The following COL23A1 variants were observed in gnomAD, a reference collection of about 807,000 sequenced individuals.
COL23A1 encodes the protein collagen alpha-1(XXIII) chain.
COL23A1 carries 97 observed loss-of-function variants against 99.3 expected under a neutral mutation model. The observed-to-expected ratio is 0.98, with a 90% CI of 0.83 to 1.16. COL23A1 has a LOEUF of 1.16. Ranked by LOEUF, COL23A1 falls within the 50% of genes most tolerant of loss-of-function variation. COL23A1 has a pLI of 0.00. For missense variants in COL23A1, 762 were observed against 757.4 expected (o/e 1.01, Z -0.07); for synonymous variants, 320 against 308.2 (o/e 1.04, Z -0.40).
rs147631334 is a variant in COL23A1 at position 178,415,552 on chromosome 5, C to T, written c.362-108633G>A. The stretch of plus-strand genomic sequence containing the variant: ...CTGACCTCTCCACAGCCAGAGGACA[C>T]GAGGGACGCCCCTTGCAGATACTTC... On this transcript the variant is annotated intron_variant, in intron 2 of 28. Transcript: ENST00000390654. The surrounding 1 kb of genome is among the most constrained non-coding windows in gnomAD (Gnocchi z 4.6). Among the ~76,000 whole-genome samples, 272 of 152,260 alleles carry T rather than the reference C, an allele frequency of 1.8e-3. 3 individuals are homozygous for T. The highest frequency in any genetic ancestry group is 4.8e-3 in the Admixed American group (74 of 15,300).
In COL23A1 at chr5:178,280,563, T is replaced by G. The variant is rs546812383; in HGVS notation, c.441+7761A>C. 7.0e-4 allele frequency among the ~76,000 whole-genome samples: 106 copies of G among 152,248 alleles called. No homozygotes were observed. Among genetic ancestry groups the G allele is most frequent in the African/African-American group, 2.5e-3 (102 of 41,540 alleles). Reference sequence around the variant, plus strand: ...CAAAATCACTGCTTTCTCTTTAGTCTATTTGCTTCGAAGACCTGGGCTTGG... The same window carrying G: ...CAAAATCACTGCTTTCTCTTTAGTCGATTTGCTTCGAAGACCTGGGCTTGG... On this transcript the variant is annotated intron_variant, in intron 5 of 28. Transcript: ENST00000390654. This position sits in a 1 kb window ranked among gnomAD's most constrained non-coding sequence, Gnocchi z 4.9.
intron 2 of COL23A1, among the ~76,000 whole-genome samples, chr5:178,329,747 G>A (rs917755660): frequency 6.6e-6 from 1 of 152,134 alleles, no homozygotes; most frequent in Non-Finnish European, 1.5e-5. Context: ...GACCAGCCTG[G>A]CTAACATAGA....
At chr5:178,455,965 TAAC>T (rs1767768027) in intron 2 of COL23A1, among the ~76,000 whole-genome samples, 1 of 151,880 alleles carries the variant, frequency 6.6e-6, no homozygotes, top group African/African-American at 2.4e-5. Context: ...AAAGGAAAAA[TAAC>T]AAGAAAGGGA....
chr5:178,357,980 ATGTGTGTATGCG>A (rs1380669986), intron 2 of COL23A1, among the ~76,000 whole-genome samples: 2 of 138,824 alleles, frequency 1.4e-5, no homozygotes, highest in Non-Finnish European at 3.1e-5. Context: ...ATGTGTATAT[ATGTGTGTATGCG>A]TGTGTGTATA....
intron 4 of COL23A1, among the ~76,000 whole-genome samples, chr5:178,289,698 G>A (rs551102175): frequency 1.3e-5 from 2 of 152,278 alleles, no homozygotes; most frequent in South Asian, 4.2e-4. Flanking sequence ...CAACTGTCAC[G>A]GAGCATTTTA....
intron 2 of COL23A1, chr5:178,345,437 T>C (rs1453425223): frequency 2.3e-5 from 5 of 221,584 alleles, no homozygotes; most frequent in Admixed American, 5.5e-5. Flanking sequence ...ACTTGTTCTA[T>C]AGAGAAATGT....
chr5:178,302,942 G>A (rs1758151392), intron 3 of COL23A1, among the ~76,000 whole-genome samples: 1 of 152,192 alleles, frequency 6.6e-6, no homozygotes, highest in Non-Finnish European at 1.5e-5. Flanking sequence ...AACCTGTTCT[G>A]CTTCCTCCAA....
At chr5:178,360,059 CA>C (rs1762094914) in intron 2 of COL23A1, among the ~76,000 whole-genome samples, 1 of 152,218 alleles carries the variant, frequency 6.6e-6, no homozygotes, top group Admixed American at 6.5e-5. Flanking sequence ...ACTCCCACCC[CA>C]CAATTCTCTT....
intron 2 of COL23A1, among the ~76,000 whole-genome samples, chr5:178,316,952 G>A (rs562303694): frequency 2.6e-5 from 4 of 151,996 alleles, no homozygotes; most frequent in South Asian, 2.1e-4. Flanking sequence ...CACTCTGGTC[G>A]GCTTATTCTA....
intron 3 of COL23A1, among the ~76,000 whole-genome samples, chr5:178,300,830 C>T (rs2127596683): frequency 6.6e-6 from 1 of 152,238 alleles, no homozygotes; most frequent in Middle Eastern, 3.4e-3. Flanking sequence ...TCCCAAAGTG[C>T]TGGGATTACA....
At chr5:178,293,139 G>C (rs574914596) in intron 3 of COL23A1, among the ~76,000 whole-genome samples, 2 of 152,098 alleles carry the variant, frequency 1.3e-5, no homozygotes, top group South Asian at 4.1e-4. Context: ...TGTGGGAGTG[G>C]GGCCTGGAGA....
At chr5:178,264,792 G>T (rs1755781269) in intron 8 of COL23A1, among the ~76,000 whole-genome samples, 2 of 152,192 alleles carry the variant, frequency 1.3e-5, no homozygotes, top group East Asian at 1.9e-4. Flanking sequence ...GAGTAGGTGG[G>T]ATTATTATTA....
At chr5:178,431,923 G>A (rs1341917960) in intron 2 of COL23A1, among the ~76,000 whole-genome samples, 2 of 152,158 alleles carry the variant, frequency 1.3e-5, no homozygotes, top group Non-Finnish European at 2.9e-5. Context: ...GGTCACTTTG[G>A]CTAAGTAGAC....
chr5:178,312,680 G>A (rs1279284236), intron 2 of COL23A1, among the ~76,000 whole-genome samples: 1 of 151,446 alleles, frequency 6.6e-6, no homozygotes, highest in Non-Finnish European at 1.5e-5. Flanking sequence ...CAGCCGCACT[G>A]GGGACAGCCT....
Position 178,434,253 on chromosome 5 carries a change from TG to T in COL23A1, c.361+126428del, listed in dbSNP as rs1403523097. Among the ~76,000 whole-genome samples the T allele has an allele frequency of 2.0e-5, 3 of 152,342 alleles. No homozygotes were observed. The highest frequency in any genetic ancestry group is 4.4e-5 in the Non-Finnish European group (3 of 68,020). On this transcript the variant is annotated intron_variant, in intron 2 of 28. Coordinates refer to ENST00000390654, the MANE Select transcript of COL23A1 (RefSeq NM_173465.4). The surrounding 1 kb of genome is among the most constrained non-coding windows in gnomAD (Gnocchi z 4.3). ...TGCCCCAGGTCACACTGTGGGTCAG[TG>T]GCAGGCTGGGCTTTTCTGCTGGCCT...
chr5:178,355,589 G>A (rs1430651580), intron 2 of COL23A1, among the ~76,000 whole-genome samples: 1 of 152,166 alleles, frequency 6.6e-6, no homozygotes, highest in Admixed American at 6.5e-5. Flanking sequence ...CTGGAGTGCA[G>A]TGGTGCGATC....
intron 2 of COL23A1, among the ~76,000 whole-genome samples, chr5:178,436,366 G>C (rs536919498): frequency 6.6e-6 from 1 of 151,634 alleles, no homozygotes; most frequent in African/African-American, 2.4e-5. Context: ...CGGTTGTGGC[G>C]AGCACGGGGA....
At chr5:178,552,311 G>A (rs921809407) in intron 2 of COL23A1, among the ~76,000 whole-genome samples, 9 of 152,128 alleles carry the variant, frequency 5.9e-5, no homozygotes, top group African/African-American at 2.2e-4. Context: ...ATGAATGAAT[G>A]AATGAACAAA....
chr5:178,301,366 T>TC (rs1308973657), intron 3 of COL23A1, among the ~76,000 whole-genome samples: 3 of 152,254 alleles, frequency 2.0e-5, no homozygotes, highest in Non-Finnish European at 4.4e-5. Context: ...AAACATGGTT[T>TC]CCTTTAGTTT....
Sources: gnomAD v4.1 joint callset for allele counts (sites outside exome capture counted in the v4.1 genomes callset) on GRCh38, gnomAD v4.1.1 for gene constraint, Gnocchi (gnomAD v3.1) non-coding constraint, MANE v1.5 for transcripts, NCBI Gene and HGNC (gene_info 2026-07-23, HGNC 2026-07-21) for gene names.